CABLES1: variants seen among roughly 807,000 people sequenced by gnomAD.
CABLES1 encodes the protein CDK5 and ABL1 enzyme substrate 1.
In CABLES1, 36 loss-of-function variants were observed where a neutral mutation model predicts 57.8. The ratio of observed to expected loss-of-function variants is 0.62; its 90% CI spans 0.48 to 0.82. The LOEUF is 0.82. Ranked by LOEUF, CABLES1 falls within the 40% of genes least tolerant of loss-of-function variation. CABLES1 has a pLI of 0.00. For missense variants in CABLES1, 767 were observed against 836.6 expected (o/e 0.92, Z 1.03); for synonymous variants, 374 against 363.0 (o/e 1.03, Z -0.35).
intron 2 of CABLES1, among the ~76,000 whole-genome samples, chr18:23,191,247 TA>T (rs890589263): frequency 2.6e-5 from 4 of 151,866 alleles, no homozygotes; most frequent in Admixed American, 2.6e-4. Flanking sequence ...AAAGAAAACT[TA>T]AAAAAAAGAG....
chr18:23,240,881 AC>A (rs150331909), intron 7 of CABLES1, among the ~76,000 whole-genome samples: 6,993 of 152,220 alleles, frequency 0.046, 567 homozygotes, highest in Admixed American at 0.21. Flanking sequence ...TAATCCTTTC[AC>A]CCATCAAATC....
At chr18:23,137,359 TAG>T (rs1306592636) in intron 1 of CABLES1, among the ~76,000 whole-genome samples, 8 of 152,284 alleles carry the variant, frequency 5.3e-5, no homozygotes, top group East Asian at 1.9e-4. Flanking sequence ...GTTCAGGAAA[TAG>T]AGTTTGTCAC....
intron 1 of CABLES1, among the ~76,000 whole-genome samples, chr18:23,174,212 G>A (rs568907453): frequency 9.2e-5 from 14 of 152,120 alleles, no homozygotes; most frequent in African/African-American, 2.9e-4. Context: ...CATACACGAC[G>A]TGGTCTCTGG....
chr18:23,143,130 G>A (rs761690539), intron 1 of CABLES1, among the ~76,000 whole-genome samples: 3 of 152,144 alleles, frequency 2.0e-5, no homozygotes, highest in Non-Finnish European at 4.4e-5. Flanking sequence ...GGCCTCAAGG[G>A]TTCCCGATCA....
chr18:23,181,735 C>T (rs1347316320), intron 1 of CABLES1, among the ~76,000 whole-genome samples: 1 of 152,162 alleles, frequency 6.6e-6, no homozygotes, highest in East Asian at 1.9e-4. Context: ...CCCTCCCAAG[C>T]AGCTCACTTC....
chr18:23,184,696 C>CT lies in CABLES1; in HGVS notation c.846-4141dup, dbSNP rs1390766696. Among the ~76,000 whole-genome samples the CT allele has an allele frequency of 2.6e-5, 4 of 152,106 alleles. No individual in the cohort carries two copies. In the East Asian group the frequency reaches 5.8e-4, roughly 22 times the overall value. ...CCATCCTGGGTGACAGAGCGAGACTCTGTCTCAGAAAAAAATAAATAAATA... is the reference window on the plus strand; with the variant it reads ...CCATCCTGGGTGACAGAGCGAGACTCTTGTCTCAGAAAAAAATAAATAAATA... On this transcript the variant is annotated intron_variant, in intron 1 of 9. Transcript: ENST00000256925.
chr18:23,209,350 G>A (rs1020474271), intron 3 of CABLES1, among the ~76,000 whole-genome samples: 4 of 152,222 alleles, frequency 2.6e-5, no homozygotes, highest in Non-Finnish European at 5.9e-5. Flanking sequence ...GATAAGGGGG[G>A]ACACCTGTAC....
At chr18:23,247,858 C>A (rs1173338634) in intron 7 of CABLES1, among the ~76,000 whole-genome samples, 3 of 152,264 alleles carry the variant, frequency 2.0e-5, no homozygotes, top group Non-Finnish European at 1.5e-5. Context: ...CCTCCTGGTG[C>A]TGCCACATAT....
Position 23,257,408 on chromosome 18 carries a change from T to A in CABLES1, c.*41T>A. 6.5e-7 allele frequency: 1 copy of A among 1,546,226 alleles called. No homozygotes were observed. On this transcript the variant is annotated 3_prime_UTR_variant, in exon 10 of 10. Coordinates refer to ENST00000256925, the MANE Select transcript of CABLES1 (RefSeq NM_001100619.3). ...CAGCCAAGGGCCATTTCTTCTCAGCTTGGTGGAGCAGCACTTACTTACTAC... is the reference window on the plus strand; with the variant it reads ...CAGCCAAGGGCCATTTCTTCTCAGCATGGTGGAGCAGCACTTACTTACTAC...
In CABLES1 at chr18:23,213,857, G is replaced by T. The variant is rs1307006984; in HGVS notation, c.1011-120G>T. The T allele has an allele frequency of 2.4e-5, 15 of 632,212 alleles. No individual in the cohort carries two copies. In the East Asian group the frequency reaches 4.3e-4, roughly 18 times the overall value. 39.2% of individuals were successfully genotyped at this position (632,212 alleles called of 1,614,324 possible). A position where few individuals can be genotyped will look rare whatever the true frequency, so the allele number is the denominator to read the frequency against. On this transcript the variant is annotated intron_variant, in intron 3 of 9. Transcript: ENST00000256925. ...AGAATACCATCTGCCAGAGGAGGTG[G>T]TGGGAGCGTGCAAATACTGCTATGA...
intron 7 of CABLES1, among the ~76,000 whole-genome samples, chr18:23,247,496 C>T (rs867645279): frequency 1.2e-4 from 19 of 152,332 alleles, no homozygotes; most frequent in Admixed American, 9.1e-4. Context: ...TTGCCTGGTC[C>T]GCTGTGGCAG....
intron 7 of CABLES1, among the ~76,000 whole-genome samples, chr18:23,251,566 A>C (rs1272997111): frequency 5.3e-5 from 8 of 152,320 alleles, no homozygotes; most frequent in African/African-American, 1.7e-4. Context: ...AAAATTGTTT[A>C]ATTCAGAGTT....
At position 23,158,256 on chromosome 18, in the gene CABLES1, T is replaced by TG. The variant is rs534773200; in HGVS notation, c.845+21650dup. ...GGTCAAGGCTACAGTGAGCTGTGTT[T>TG]GCATCACTGCATTCCACCCTGGGCA... On this transcript the variant is annotated intron_variant, in intron 1 of 9. Coordinates refer to ENST00000256925, the MANE Select transcript of CABLES1 (RefSeq NM_001100619.3). 7.8e-4 allele frequency among the ~76,000 whole-genome samples: 119 copies of TG among 151,974 alleles called. 1 individual carries two copies. The South Asian group carries it at 0.015, about 19-fold the overall frequency.
chr18:23,199,482 G>A lies in CABLES1; in HGVS notation c.1010+4942G>A, dbSNP rs191981071. Among the ~76,000 whole-genome samples the A allele has an allele frequency of 5.6e-3, 855 of 152,316 alleles. 2 individuals are homozygous for A. Among genetic ancestry groups the A allele is most frequent in the Non-Finnish European group, 8.6e-3 (585 of 68,024 alleles). On this transcript the variant is annotated intron_variant, in intron 3 of 9. Transcript: ENST00000256925. The stretch of plus-strand genomic sequence containing the variant: ...CAGCAGATGCATGGATAGACCATGT[G>A]CTGTATCCATACAATGGAGTAGTAT...
intron 4 of CABLES1, among the ~76,000 whole-genome samples, chr18:23,225,751 C>CT (rs1354823093): frequency 6.6e-6 from 1 of 152,250 alleles, no homozygotes; most frequent in East Asian, 1.9e-4. Context: ...ACGGCCTTCT[C>CT]TTTTCTAGTG....
At chr18:23,223,384 C>A (rs1454702771) in intron 4 of CABLES1, among the ~76,000 whole-genome samples, 1 of 151,954 alleles carries the variant, frequency 6.6e-6, no homozygotes, top group African/African-American at 2.4e-5. Flanking sequence ...TTGAGACCAG[C>A]CTGGCCGACA....
chr18:23,137,082 T>A (rs1238102403), intron 1 of CABLES1, among the ~76,000 whole-genome samples: 1 of 152,244 alleles, frequency 6.6e-6, no homozygotes, highest in Non-Finnish European at 1.5e-5. Context: ...AGTTCTTGCC[T>A]GCGCTCCAAG....
At chr18:23,142,337 C>A (rs982731293) in intron 1 of CABLES1, among the ~76,000 whole-genome samples, 5 of 152,060 alleles carry the variant, frequency 3.3e-5, no homozygotes, top group African/African-American at 1.2e-4. Flanking sequence ...GCTGGACTGA[C>A]AATGTTAGGA....
rs369399531 is a variant in CABLES1, at chr18:23,234,593, G to T, written c.1089-15G>T. On this transcript the variant is annotated splice_polypyrimidine_tract_variant and intron_variant, in intron 4 of 9. Coordinates refer to ENST00000256925, the MANE Select transcript of CABLES1 (RefSeq NM_001100619.3). ...ACACAAAAGCATTTTTTTTTCCTCTGACTTGTCCTCCCAGGGACTTGAAGT... is the reference window on the plus strand; with the variant it reads ...ACACAAAAGCATTTTTTTTTCCTCTTACTTGTCCTCCCAGGGACTTGAAGT... 4 of 1,599,444 alleles carry T rather than the reference G, an allele frequency of 2.5e-6. No individual in the cohort carries two copies. The Admixed American group carries it at 5.1e-5, about 20-fold the overall frequency.
Sources: gnomAD v4.1 joint callset for allele counts (sites outside exome capture counted in the v4.1 genomes callset) on GRCh38, gnomAD v4.1.1 for gene constraint, MANE v1.5 for transcripts, NCBI Gene and HGNC (gene_info 2026-07-23, HGNC 2026-07-21) for gene names.